Variants in FGR observed in about 807,000 individuals in gnomAD.
FGR encodes tyrosine-protein kinase Fgr.
FGR carries 26 observed loss-of-function variants against 63.2 expected under a neutral mutation model. The observed-to-expected ratio is 0.41, with a 90% CI of 0.30 to 0.57. The LOEUF is 0.57. Among genes scored for constraint, FGR ranks in the 20% least tolerant of loss-of-function variants. The pLI is 0.27. For missense variants in FGR, 511 were observed against 690.8 expected (o/e 0.74, Z 2.92); for synonymous variants, 286 against 277.7 (o/e 1.03, Z -0.30).
At chr1:27,634,302 C>T (rs2090147599) in intron 1 of FGR, among the ~76,000 whole-genome samples, 1 of 152,110 alleles carries the variant, frequency 6.6e-6, no homozygotes. Flanking sequence ...GAGACCGCCG[C>T]GGGCGCGGAG....
At chr1:27,633,092 G>A (rs2090129730) in intron 1 of FGR, among the ~76,000 whole-genome samples, 1 of 152,116 alleles carries the variant, frequency 6.6e-6, no homozygotes, top group Non-Finnish European at 1.5e-5. Flanking sequence ...CTCACTGGAG[G>A]AGGGTGTGAG....
intron 1 of FGR, chr1:27,626,321 G>A: frequency 2.5e-6 from 1 of 397,810 alleles, no homozygotes; most frequent in Admixed American, 4.4e-5. Context: ...TGTGAACCCT[G>A]ATTTGCCCCA....
chr1:27,612,906 C>T lies in FGR; in HGVS notation c.*8G>A, dbSNP rs773682566. 22 of 1,610,320 alleles carry T rather than the reference C, an allele frequency of 1.4e-5. No individual in the cohort carries two copies. Among genetic ancestry groups the T allele is most frequent in the Admixed American group, 1.7e-5 (1 of 59,808 alleles). On this transcript the variant is annotated 3_prime_UTR_variant, in exon 13 of 13. Coordinates refer to ENST00000374005, the MANE Select transcript of FGR (RefSeq NM_005248.3). ...GCCACCGCCAGAGAGGGTTGATGCC[C>T]GGACAGGCTATGTCTGATCCCCGGG... is the stretch of plus-strand genomic sequence containing the variant.
In FGR at chr1:27,615,789, C is replaced by T. The variant is rs748125690; in HGVS notation, c.738G>A (p.Pro246=). 6.2e-7 allele frequency: 1 copy of T among 1,601,326 alleles called. No homozygotes were observed. Among genetic ancestry groups the T allele is most frequent in the African/African-American group, 1.3e-5 (1 of 74,696 alleles). Residue 246 remains proline, a synonymous_variant, in exon 8 of 13, where the codon CCG becomes CCA. Transcript: ENST00000374005. The surrounding 1 kb of genome is among the most constrained non-coding windows in gnomAD (Gnocchi z 7.6). Reference sequence around the variant, plus strand: ...CGTCCTTGGCCAGGCCCAGCGTCTGCGGCTTCATGATGGTGCAGGGCGCGA... The same window carrying T: ...CGTCCTTGGCCAGGCCCAGCGTCTGTGGCTTCATGATGGTGCAGGGCGCGA... ...LLIAPCTIMK[P]QTLGLAKDAW... is the part of the protein sequence containing the mutation.
intron 1 of FGR, among the ~76,000 whole-genome samples, chr1:27,631,704 G>A (rs954239795): frequency 6.6e-6 from 1 of 152,186 alleles, no homozygotes; most frequent in Non-Finnish European, 1.5e-5. Flanking sequence ...GTCCTCCGTG[G>A]CAGTGACGGT....
At chr1:27,628,782 G>A (rs1198128408) in intron 1 of FGR, among the ~76,000 whole-genome samples, 3 of 152,212 alleles carry the variant, frequency 2.0e-5, no homozygotes, top group Non-Finnish European at 2.9e-5. Flanking sequence ...ATCTGAGAAG[G>A]AAGCTCTGTG....
Position 27,617,004 on chromosome 1 carries a change from C to T in FGR, c.535G>A (p.Ala179Thr), listed in dbSNP as rs2089825605. 2 of 1,614,044 alleles carry T rather than the reference C, an allele frequency of 1.2e-6. No individual in the cohort carries two copies. The highest frequency in any genetic ancestry group is 2.7e-5 in the African/African-American group (2 of 74,930). Residue 179 changes from alanine (A) to threonine (T), a missense_variant and splice_region_variant, in exon 7 of 13, where the codon GCC becomes ACC. Ala to Thr is a moderately conservative substitution (Grantham distance 58). Transcript: ENST00000374005. This position sits in a 1 kb window ranked among gnomAD's most constrained non-coding sequence, Gnocchi z 4.5. ...CAGTCCCGGATGGACAGGGAGTAGG[C>T]ACCTGTGGAGAGGATCACTTTTGAT... ...LIRESETTKG[A>T]YSLSIRDWDQ...
chr1:27,626,795 G>A (rs1364111409), intron 1 of FGR, among the ~76,000 whole-genome samples: 2 of 152,122 alleles, frequency 1.3e-5, no homozygotes, highest in African/African-American at 4.8e-5. Flanking sequence ...GAAAATAGAG[G>A]TGGAGGACTG....
At chr1:27,630,787 C>T (rs1424033343) in intron 1 of FGR, among the ~76,000 whole-genome samples, 3 of 152,034 alleles carry the variant, frequency 2.0e-5, no homozygotes, top group East Asian at 1.9e-4. Flanking sequence ...TTACAGGAGT[C>T]GCCTCCGAGA....
intron 1 of FGR, among the ~76,000 whole-genome samples, chr1:27,632,845 G>A (rs75354344): frequency 0.014 from 2,158 of 152,184 alleles, 59 homozygotes; most frequent in African/African-American, 0.049. Flanking sequence ...GGAGTGGGGC[G>A]GTGAGGGGGA....
chr1:27,621,986 G>T (rs2089937476), intron 4 of FGR, among the ~76,000 whole-genome samples: 1 of 152,096 alleles, frequency 6.6e-6, no homozygotes, highest in Admixed American at 6.5e-5. Context: ...TTTCCTTCTG[G>T]ATAAAATCTA....
At position 27,615,834 on chromosome 1, in the gene FGR, G is replaced by A. The variant is rs200015580; in HGVS notation, c.693C>T (p.Asp231=). Residue 231 remains aspartate (D), a synonymous_variant, in exon 8 of 13, where the codon GAC becomes GAT. Transcript: ENST00000374005. The surrounding 1 kb of genome is among the most constrained non-coding windows in gnomAD (Gnocchi z 7.6). ...ELVQHYMEVN[D]GLCNLLIAPC... is the part of the protein sequence containing the mutation. ...GCGCGATGAGCAGGTTGCACAGCCCGTCATTCACCTCTAGGGGAGGGGTCA... is the reference window on the plus strand; with the variant it reads ...GCGCGATGAGCAGGTTGCACAGCCCATCATTCACCTCTAGGGGAGGGGTCA... The A allele has an allele frequency of 1.2e-4, 188 of 1,589,574 alleles. No homozygotes were observed. Among genetic ancestry groups the A allele is most frequent in the Non-Finnish European group, 1.5e-4 (174 of 1,167,310 alleles).
rs778152271 is a variant in FGR at position 27,617,206 on chromosome 1, G to C, written c.519C>G (p.Ser173Arg). Residue 173 changes from serine (S) to arginine (R), a missense_variant, in exon 6 of 13, where the codon AGC (serine) becomes AGG (arginine). Ser to Arg is a moderately radical substitution (Grantham distance 110). Coordinates refer to ENST00000374005, the MANE Select transcript of FGR (RefSeq NM_005248.3). This position sits in a 1 kb window ranked among gnomAD's most constrained non-coding sequence, Gnocchi z 4.5. The part of the protein sequence containing the change: ...NPQGAFLIRE[S>R]ETTKGAYSLS... The stretch of plus-strand genomic sequence containing the variant: ...CACCACCCCTACCTTTGGTGGTCTC[G>C]CTTTCCCGAATGAGAAAGGCCCCCT... 2 of 1,613,886 alleles carry C rather than the reference G, an allele frequency of 1.2e-6. No homozygotes were observed. Among genetic ancestry groups the C allele is most frequent in the East Asian group, 4.5e-5 (2 of 44,868 alleles).
At chr1:27,624,341 T>A (rs2089983421) in intron 2 of FGR, among the ~76,000 whole-genome samples, 1 of 151,984 alleles carries the variant, frequency 6.6e-6, no homozygotes. Context: ...GCTCAAGTGA[T>A]CCTCTGGTCT....
chr1:27,615,271 C>G lies in FGR; in HGVS notation c.1018+163G>C, dbSNP rs190609260. Among the ~76,000 whole-genome samples the G allele has an allele frequency of 6.6e-6, 1 of 152,098 alleles. No homozygotes were observed. The highest frequency in any genetic ancestry group is 6.5e-5 in the Admixed American group (1 of 15,278). ...AGCTCCCTAGTGGTCTCACTCGGCC[C>G]GGCTCCCACCTCAGCCCTCCAGTCG... On this transcript the variant is annotated intron_variant, in intron 9 of 12. Coordinates refer to ENST00000374005, the MANE Select transcript of FGR (RefSeq NM_005248.3). This position sits in a 1 kb window ranked among gnomAD's most constrained non-coding sequence, Gnocchi z 7.6.
intron 11 of FGR, among the ~76,000 whole-genome samples, chr1:27,613,586 C>T (rs1445064820): frequency 1.3e-5 from 2 of 151,544 alleles, no homozygotes; most frequent in Non-Finnish European, 2.9e-5. Context: ...GCCTGTAATC[C>T]CAGCTACTAG....
chr1:27,615,595 G>A lies in FGR; in HGVS notation c.857C>T (p.Thr286Ile), dbSNP rs1453937582. Reference protein sequence around the residue: ...DVWLGTWNGSTKVAVKTLKPG... With the variant: ...DVWLGTWNGSIKVAVKTLKPG... ...CTTCAGCGTCTTCACCGCCACCTTA[G>A]TGCTGCCGTTCCACGTGCCTGCTCG... Residue 286 changes from threonine (T) to isoleucine (I), a missense_variant, in exon 9 of 13, where the codon ACT becomes ATT. By Grantham distance (89) the Thr-to-Ile change is moderately conservative. Coordinates refer to ENST00000374005, the MANE Select transcript of FGR (RefSeq NM_005248.3). The surrounding 1 kb of genome is among the most constrained non-coding windows in gnomAD (Gnocchi z 7.6). 1.2e-6 allele frequency: 2 copies of A among 1,610,634 alleles called. No individual in the cohort carries two copies. Among genetic ancestry groups the A allele is most frequent in the Non-Finnish European group, 1.7e-6 (2 of 1,177,144 alleles).
chr1:27,624,855 T>A (rs2089993417), intron 2 of FGR, among the ~76,000 whole-genome samples: 1 of 152,010 alleles, frequency 6.6e-6, no homozygotes, highest in Admixed American at 6.6e-5. Flanking sequence ...TGTGTGTGAG[T>A]GTGTGTGAGG....
At chr1:27,629,572 G>A (rs1057061157) in intron 1 of FGR, among the ~76,000 whole-genome samples, 1 of 152,210 alleles carries the variant, frequency 6.6e-6, no homozygotes, top group African/African-American at 2.4e-5. Flanking sequence ...ACTCTGCTCA[G>A]ACATCTGCAT....
Sources: gnomAD v4.1 joint callset for allele counts (sites outside exome capture counted in the v4.1 genomes callset) on GRCh38, gnomAD v4.1.1 for gene constraint, Gnocchi (gnomAD v3.1) non-coding constraint, MANE v1.5 for transcripts, NCBI Gene and HGNC (gene_info 2026-07-23, HGNC 2026-07-21) for gene names.